The following HAUS6 variants were observed in gnomAD, a reference collection of about 807,000 sequenced individuals.
HAUS6 encodes HAUS augmin-like complex subunit 6.
In HAUS6, 80 loss-of-function variants were observed where a neutral mutation model predicts 106.8. The observed-to-expected ratio is 0.75, with a 90% CI of 0.63 to 0.90. The LOEUF (loss-of-function observed/expected upper bound fraction) is 0.90, where lower values mean the gene tolerates loss of function less well. HAUS6 is among the 40% of genes least tolerant of loss of function. The pLI is 0.00. For synonymous variants in HAUS6, 356 were observed against 379.1 expected, an observed-to-expected ratio of 0.94 and a Z score of 0.71; for missense variants, 1,155 against 1,118.1, an observed-to-expected ratio of 1.03 and a Z score of -0.47.
At chr9:19,100,094 C>T (rs888271845) in intron 1 of HAUS6, among the ~76,000 whole-genome samples, 2 of 152,206 alleles carry the variant, frequency 1.3e-5, no homozygotes, top group Non-Finnish European at 1.5e-5. Context: ...ACTCAGGAGG[C>T]TGAGGCAGAG....
At chr9:19,099,324 G>A (rs1034351271) in intron 1 of HAUS6, among the ~76,000 whole-genome samples, 5 of 151,722 alleles carry the variant, frequency 3.3e-5, no homozygotes, top group African/African-American at 1.2e-4. Context: ...CCGCCAACAC[G>A]CCCGGCTAAT....
At chr9:19,089,234 G>C (rs534366130) in intron 5 of HAUS6, among the ~76,000 whole-genome samples, 178 bp downstream of exon 5, 2 of 150,996 alleles carry the variant, frequency 1.3e-5, no homozygotes, top group Non-Finnish European at 2.9e-5. Flanking sequence ...CTGGGTGACA[G>C]AACCAGACCC....
intron 11 of HAUS6, among the ~76,000 whole-genome samples, chr9:19,071,337 TAA>T (rs1236954673): frequency 6.6e-6 from 1 of 151,998 alleles, no homozygotes; most frequent in Non-Finnish European, 1.5e-5. Context: ...AATGAGAAGT[TAA>T]AAGATATGAA....
chr9:19,096,915 T>C, intron 1 of HAUS6, 146 bp from the exon 2 acceptor site: 1 of 471,172 alleles, frequency 2.1e-6, no homozygotes, highest in Non-Finnish European at 3.8e-6. Context: ...CATTCATGTG[T>C]ATTTTATAAC....
intron 12 of HAUS6, 150 bp downstream of exon 12, chr9:19,070,069 G>A (rs1440398929): frequency 1.7e-5 from 10 of 596,570 alleles, no homozygotes; most frequent in South Asian, 4.2e-5. Context: ...TGATTGGTGC[G>A]TTTTTACAAT....
At position 19,063,974 on chromosome 9, in the gene HAUS6, T is replaced by TA. The variant is rs201469009; in HGVS notation, c.1377-395_1377-394insT. Among the ~76,000 whole-genome samples, 131 of 149,670 alleles carry TA rather than the reference T, an allele frequency of 8.8e-4. 1 individual carries two copies. The highest frequency in any genetic ancestry group is 2.8e-3 in the African/African-American group (114 of 40,132). On this transcript the variant is annotated intron_variant, in intron 12 of 16. Transcript: ENST00000380502. The stretch of plus-strand genomic sequence containing the variant: ...TTGTAGCAGATCCTTTATTTTATTT[T>TA]TTTTTTTTTTGAGACGGAGTTTCGC...
At position 19,094,302 on chromosome 9, in the gene HAUS6, A is replaced by G. The variant is rs770542086; in HGVS notation, c.303+15T>C. 9.4e-6 allele frequency: 14 copies of G among 1,488,626 alleles called. No individual in the cohort carries two copies. In the South Asian group the frequency reaches 1.3e-4, roughly 14 times the overall value. 92.2% of individuals were successfully genotyped at this position (1,488,626 alleles called of 1,614,324 possible). On this transcript the variant is annotated intron_variant, in intron 3 of 16. Transcript: ENST00000380502. ...CTTCTTAAAGTCTGTATCTTCTAAC[A>G]AAAAGAATACTTACAGAAATCCTTT...
intron 7 of HAUS6, among the ~76,000 whole-genome samples, chr9:19,086,356 C>T (rs1408578378): frequency 1.3e-5 from 2 of 151,714 alleles, no homozygotes; most frequent in Non-Finnish European, 2.9e-5. Context: ...CGCGGTGGCT[C>T]ATGCCTGTAA....
chr9:19,071,573 C>CTTTTTT (rs34684530), intron 11 of HAUS6, among the ~76,000 whole-genome samples: 1 of 109,410 alleles, frequency 9.1e-6, no homozygotes, highest in Non-Finnish European at 1.8e-5. Flanking sequence ...AAAATATTTT[C>CTTTTTT]TTTTTTTTTT....
intron 2 of HAUS6, among the ~76,000 whole-genome samples, chr9:19,096,442 A>G (rs117127699): frequency 0.038 from 5,734 of 151,908 alleles, 116 homozygotes; most frequent in Non-Finnish European, 0.051. Context: ...GCAGTCACCT[A>G]TAATCCCAGC....
chr9:19,078,086 T>A (rs1837050548), intron 10 of HAUS6, 90 bp downstream of exon 10: 3 of 1,029,024 alleles, frequency 2.9e-6, no homozygotes, highest in Non-Finnish European at 1.4e-6. Context: ...GCCACTCTAC[T>A]CCAGCCTGGG....
At position 19,058,174 on chromosome 9, in the gene HAUS6, C is replaced by T; in HGVS notation, c.2593G>A (p.Glu865Lys). 6.2e-7 allele frequency: 1 copy of T among 1,613,892 alleles called. No homozygotes were observed. Among genetic ancestry groups the T allele is most frequent in the Non-Finnish European group, 8.5e-7 (1 of 1,179,844 alleles). ...NSQTPERHKPELSPTPQNVQT... is the reference protein window; with the variant it reads ...NSQTPERHKPKLSPTPQNVQT... Reference sequence around the variant, plus strand: ...ACATTTTGGGGAGTAGGGCTCAATTCTGGTTTGTGTCTTTCGGGTGTTTGG... The same window carrying T: ...ACATTTTGGGGAGTAGGGCTCAATTTTGGTTTGTGTCTTTCGGGTGTTTGG... The change falls in exon 16 of 17, where the codon GAA (glutamate) becomes AAA (lysine). Residue 865 changes from glutamate (E) to lysine (K), a missense_variant. Glu to Lys is a moderately conservative substitution (Grantham distance 56). Transcript: ENST00000380502.
intron 10 of HAUS6, among the ~76,000 whole-genome samples, chr9:19,076,986 G>A (rs1837023526): frequency 6.6e-6 from 1 of 152,130 alleles, no homozygotes; most frequent in East Asian, 1.9e-4. Context: ...TAGGCCTGCA[G>A]AGACACACCA....
intron 9 of HAUS6, among the ~76,000 whole-genome samples, chr9:19,080,129 G>A (rs1484264354): frequency 2.3e-5 from 3 of 129,804 alleles, no homozygotes; most frequent in South Asian, 2.5e-4. Context: ...AGCCAAGATC[G>A]CGCCATTGCA....
chr9:19,089,461 T>C lies in HAUS6; in HGVS notation c.535A>G (p.Ile179Val), dbSNP rs768736312. The change falls in exon 5 of 17, where the codon ATT (isoleucine) becomes GTT (valine). Residue 179 changes from isoleucine to valine, a missense_variant. Physicochemically the swap from Ile to Val is conservative, Grantham distance 29. Coordinates refer to ENST00000380502, the MANE Select transcript of HAUS6 (RefSeq NM_017645.5). ...GTAACACAATCTTGTCTTTGCAAAA[T>C]TTGTAAAAATCTGCTACGTGCGAAA... ...CHFARSRFLQ[I>V]LQRQDCVTQK... 6.2e-7 allele frequency: 1 copy of C among 1,612,724 alleles called. No homozygotes were observed. Among genetic ancestry groups the C allele is most frequent in the East Asian group, 2.2e-5 (1 of 44,856 alleles).
At chr9:19,074,547 T>C (rs139255517) in intron 11 of HAUS6, among the ~76,000 whole-genome samples, 1 of 152,250 alleles carries the variant, frequency 6.6e-6, no homozygotes, top group African/African-American at 2.4e-5. Context: ...GCCAGGATTA[T>C]AGGTGTGAGC....
chr9:19,059,969 T>C (rs865860382), intron 15 of HAUS6, 119 bp downstream of exon 15: 5 of 717,472 alleles, frequency 7.0e-6, no homozygotes, highest in South Asian at 6.3e-5. Flanking sequence ...AGTACGTCGA[T>C]TACAACAGCA....
At position 19,058,154 on chromosome 9, in the gene HAUS6, T is replaced by G; in HGVS notation, c.2613A>C (p.Gln871His). ...TAAGCGTATCATCTGTTTGTACATT[T>G]TGGGGAGTAGGGCTCAATTCTGGTT... Reference protein sequence around the residue: ...RHKPELSPTPQNVQTDDTLNF... With the variant: ...RHKPELSPTPHNVQTDDTLNF... The change falls in exon 16 of 17, where the codon CAA becomes CAC. Residue 871 changes from glutamine to histidine, a missense_variant. Coordinates refer to ENST00000380502, the MANE Select transcript of HAUS6 (RefSeq NM_017645.5). The G allele has an allele frequency of 1.9e-6, 3 of 1,613,960 alleles. No homozygotes were observed. The highest frequency in any genetic ancestry group is 1.7e-6 in the Non-Finnish European group (2 of 1,179,852).
At chr9:19,091,925 G>A (rs1817758484) in intron 4 of HAUS6, among the ~76,000 whole-genome samples, 1 of 152,046 alleles carries the variant, frequency 6.6e-6, no homozygotes, top group Non-Finnish European at 1.5e-5. Flanking sequence ...GCCTCCCAAA[G>A]TCCTGGGATT....
Sources: allele counts gnomAD v4.1 joint callset (sites outside exome capture counted in the v4.1 genomes callset), GRCh38; gene constraint gnomAD v4.1.1; transcripts MANE v1.5; gene names NCBI Gene and HGNC (gene_info 2026-07-23, HGNC 2026-07-21).